MSR1: variants seen among roughly 807,000 people sequenced by gnomAD.
The protein encoded by MSR1 is macrophage scavenger receptor 1.
Under a neutral mutation model 47.2 loss-of-function variants are expected in MSR1, and 53 were observed. The ratio of observed to expected loss-of-function variants is 1.12; its 90% CI spans 0.90 to 1.41. The LOEUF (loss-of-function observed/expected upper bound fraction) is 1.41. Among genes scored for constraint, MSR1 ranks in the 40% most tolerant of loss-of-function variants. The probability of loss-of-function intolerance (pLI) is 0.00; values close to 1 mark genes in which losing one functional copy is unlikely to be tolerated. For missense variants in MSR1, 786 were observed against 546.9 expected, an observed-to-expected ratio of 1.44 and a Z score of -4.36; for synonymous variants, 239 against 185.6, an observed-to-expected ratio of 1.29 and a Z score of -2.34.
intron 6 of MSR1, 54 bp downstream of exon 6, chr8:16,155,010 G>C: frequency 7.1e-7 from 1 of 1,415,862 alleles, no homozygotes; most frequent in Non-Finnish European, 1.0e-6. Context: ...CATGTACCTG[G>C]ATGTATATCA....
rs561459509 is a variant in MSR1, at chr8:16,177,935, G to A, written c.54C>T (p.Ser18=). 61 of 1,613,806 alleles carry A rather than the reference G, an allele frequency of 3.8e-5. 1 individual carries two copies. In the South Asian group the frequency reaches 4.5e-4, roughly 12 times the overall value. ...HNQQEDTDSC[S]ESVKFDARSM... ...AGCGAGCATCAAATTTCACAGATTC[G>A]GAGCAGCTATCAGTGTCCTCCTGTT... Residue 18 remains serine, a synonymous_variant, in exon 2 of 10, where the codon TCC becomes TCT. Coordinates refer to ENST00000262101, the MANE Select transcript of MSR1 (RefSeq NM_138715.3).
At chr8:16,130,301 T>C (rs1167376514) in intron 8 of MSR1, among the ~76,000 whole-genome samples, 1 of 152,178 alleles carries the variant, frequency 6.6e-6, no homozygotes. Context: ...CCTGCAAGTC[T>C]GTCAGTGTCA....
chr8:16,109,659 T>A lies in MSR1; in HGVS notation c.*426A>T, dbSNP rs569190497. The A allele has an allele frequency of 5.5e-6, 1 of 181,166 alleles. No individual in the cohort carries two copies. Among genetic ancestry groups the A allele is most frequent in the South Asian group, 1.1e-4 (1 of 8,890 alleles). The allele number at this position is 181,166 out of a possible 1,614,324, so 11.2% of individuals were successfully genotyped here. ...TTTTGCAATCTAGGCACAAAAGATA[T>A]CTTCTGATCCCTTCCGTTATTCAGA... On this transcript the variant is annotated 3_prime_UTR_variant, in exon 10 of 10. Transcript: ENST00000262101.
At chr8:16,115,043 G>T (rs1159548215) in intron 9 of MSR1, among the ~76,000 whole-genome samples, 2 of 151,998 alleles carry the variant, frequency 1.3e-5, no homozygotes, top group East Asian at 1.9e-4. Context: ...GTTGGGTGTG[G>T]TGGTGCATGC....
In MSR1 at chr8:16,139,747, TAAAAAAAAAAAAAAAAAAAAAA is replaced by T. The variant is rs1162319738; in HGVS notation, c.1033+3789_1033+3810del. 1.3e-4 allele frequency: 19 copies of T among 146,614 alleles called. No homozygotes were observed. The African/African-American group carries it at 2.1e-3, about 16-fold the overall frequency. The allele number at this position is 146,614 out of a possible 1,614,324, so 9.1% of individuals were successfully genotyped here. A position where few individuals can be genotyped will look rare whatever the true frequency, so the allele number is the denominator to read the frequency against. The stretch of plus-strand genomic sequence containing the variant: ...CCAAGCTCGACTACACTTCAAAACT[TAAAAAAAAAAAAAAAAAAAAAA>T]AAAAAATATATATATATATATATAT... On this transcript the variant is annotated intron_variant, in intron 8 of 9. Transcript: ENST00000262101.
chr8:16,180,763 G>C (rs1433672885), intron 1 of MSR1, among the ~76,000 whole-genome samples: 1 of 152,042 alleles, frequency 6.6e-6, no homozygotes, highest in Non-Finnish European at 1.5e-5. Flanking sequence ...AATATATTTT[G>C]AAAATATCAC....
At chr8:16,179,244 G>T (rs940081742) in intron 1 of MSR1, among the ~76,000 whole-genome samples, 1 of 152,090 alleles carries the variant, frequency 6.6e-6, no homozygotes, top group Admixed American at 6.5e-5. Context: ...TGAATGATCT[G>T]ATTTGACTTC....
chr8:16,184,808 T>TA (rs2117230735), intron 1 of MSR1, among the ~76,000 whole-genome samples: 1 of 151,812 alleles, frequency 6.6e-6, no homozygotes, highest in East Asian at 1.9e-4. Flanking sequence ...TTTGATTTAT[T>TA]TTTTTTTAGC....
Position 16,144,194 on chromosome 8 carries a change from G to A in MSR1, c.980-583C>T, listed in dbSNP as rs1800636949. Among the ~76,000 whole-genome samples the A allele has an allele frequency of 2.6e-5, 4 of 152,112 alleles. No homozygotes were observed. The South Asian group carries it at 6.2e-4, about 24-fold the overall frequency. On this transcript the variant is annotated intron_variant, in intron 7 of 9. Transcript: ENST00000262101. ...GTGTGGTACAAATATTTCATATGAG[G>A]GTCAGGGCTTCAAATGGATGCAGAA...
intron 8 of MSR1, chr8:16,139,727 C>G (rs1485194137): frequency 7.1e-6 from 6 of 845,012 alleles, no homozygotes; most frequent in Non-Finnish European, 8.3e-6. Context: ...ATTGCCCAAG[C>G]TCGACTACAC....
chr8:16,120,197 G>A (rs531381452), intron 9 of MSR1, among the ~76,000 whole-genome samples: 132 of 151,958 alleles, frequency 8.7e-4, no homozygotes, highest in African/African-American at 3.1e-3. Context: ...CTAACACGGT[G>A]AAACCCCATC....
chr8:16,153,279 A>C (rs974860556), intron 6 of MSR1, among the ~76,000 whole-genome samples: 1 of 152,048 alleles, frequency 6.6e-6, no homozygotes, highest in Non-Finnish European at 1.5e-5. Flanking sequence ...AATATAAGGC[A>C]ATTAGACAAT....
intron 9 of MSR1, among the ~76,000 whole-genome samples, chr8:16,112,312 A>G (rs902607830): frequency 3.3e-5 from 5 of 152,148 alleles, no homozygotes; most frequent in African/African-American, 1.2e-4. Flanking sequence ...TTAAATAATG[A>G]TAATTATCTC....
At chr8:16,131,882 A>T (rs1188597608) in intron 8 of MSR1, among the ~76,000 whole-genome samples, 2 of 151,622 alleles carry the variant, frequency 1.3e-5, no homozygotes, top group Non-Finnish European at 2.9e-5. Context: ...TTTGTTCTGT[A>T]CCCCTGTAGT....
chr8:16,190,723 C>CTTTTTTTTTTTTTTTTTTTT (rs772816603), intron 1 of MSR1, among the ~76,000 whole-genome samples: 3 of 145,306 alleles, frequency 2.1e-5, no homozygotes, highest in African/African-American at 5.4e-5. Flanking sequence ...TTTTTTCTTT[C>CTTTTTTTTTTTTTTTTTTTT]TTTCTTTTTG....
chr8:16,166,969 AT>A (rs1801331358), intron 4 of MSR1, among the ~76,000 whole-genome samples: 1 of 140,214 alleles, frequency 7.1e-6, no homozygotes, highest in Non-Finnish European at 1.6e-5. Context: ...ACACACACAC[AT>A]GCACGCACTG....
At chr8:16,115,742 C>G (rs1041545422) in intron 9 of MSR1, among the ~76,000 whole-genome samples, 3 of 152,070 alleles carry the variant, frequency 2.0e-5, no homozygotes, top group African/African-American at 7.2e-5. Context: ...CTTTGGGAGG[C>G]TGAGGCAGGA....
At chr8:16,121,148 C>G (rs1259155008) in intron 8 of MSR1, 2 of 435,576 alleles carry the variant, frequency 4.6e-6, no homozygotes, top group Non-Finnish European at 9.1e-6. Flanking sequence ...TTAGAAATAG[C>G]AAAGACTTTC....
At chr8:16,140,282 CAAGAAA>C (rs1800519360) in intron 8 of MSR1, 1 of 979,482 alleles carries the variant, frequency 1.0e-6, no homozygotes, top group Non-Finnish European at 1.2e-6. Flanking sequence ...TCTCTTAAAA[CAAGAAA>C]AAGAAAAAAA....
Sources: allele counts gnomAD v4.1 joint callset (sites outside exome capture counted in the v4.1 genomes callset), GRCh38; gene constraint gnomAD v4.1.1; transcripts MANE v1.5; gene names NCBI Gene and HGNC (gene_info 2026-07-23, HGNC 2026-07-21).